Variants in GPM6A observed in about 807,000 individuals in gnomAD.
GPM6A encodes neuronal membrane glycoprotein M6-a.
A neutral mutation model predicts 32.1 loss-of-function variants in GPM6A; 7 were observed. The observed-to-expected ratio is 0.22, with a 90% confidence interval of 0.12 to 0.41. GPM6A has a LOEUF of 0.41. Among genes scored for constraint, GPM6A ranks in the 10% least tolerant of loss-of-function variants. GPM6A has a pLI of 1.00. For missense variants in GPM6A, 235 were observed against 347.2 expected (o/e 0.68, Z 2.57); for synonymous variants, 130 against 123.4 (o/e 1.05, Z -0.35).
intron 1 of GPM6A, among the ~76,000 whole-genome samples, chr4:175,797,864 C>T (rs1382485129): frequency 1.3e-5 from 2 of 152,086 alleles, no homozygotes; most frequent in East Asian, 3.9e-4. Context: ...ATATCTTTAT[C>T]TTGATATATA....
intron 1 of GPM6A, among the ~76,000 whole-genome samples, chr4:175,977,600 TTG>T (rs1740698464): frequency 6.6e-6 from 1 of 152,166 alleles, no homozygotes; most frequent in Non-Finnish European, 1.5e-5. Context: ...CAAAAATGCC[TTG>T]TGATTACAAA....
At chr4:175,827,759 G>T (rs561776954) in intron 1 of GPM6A, among the ~76,000 whole-genome samples, 1 of 152,264 alleles carries the variant, frequency 6.6e-6, no homozygotes, top group Non-Finnish European at 1.5e-5. Context: ...CCTCTTTAAG[G>T]TTCTGTTTCC....
intron 1 of GPM6A, among the ~76,000 whole-genome samples, chr4:175,827,990 C>T (rs898377286): frequency 6.6e-6 from 1 of 152,130 alleles, no homozygotes; most frequent in African/African-American, 2.4e-5. Flanking sequence ...GGTTTTAAAT[C>T]AACTGTATAT....
chr4:175,716,715 G>A (rs1235781209), intron 1 of GPM6A, among the ~76,000 whole-genome samples: 1 of 152,100 alleles, frequency 6.6e-6, no homozygotes, highest in East Asian at 1.9e-4. Context: ...TCCAAACAGG[G>A]CAAGCTGAAG....
intron 1 of GPM6A, among the ~76,000 whole-genome samples, chr4:175,945,530 C>T (rs1006568515): frequency 1.3e-5 from 2 of 151,596 alleles, no homozygotes; most frequent in Non-Finnish European, 1.5e-5. Context: ...ACCCATATTA[C>T]TTAGTTGTAA....
intron 1 of GPM6A, among the ~76,000 whole-genome samples, chr4:175,719,631 A>C (rs1259809268): frequency 2.6e-5 from 4 of 152,102 alleles, no homozygotes; most frequent in Admixed American, 2.6e-4. Context: ...ACAAATTGCC[A>C]CCATTTGTTA....
At chr4:175,792,809 T>C (rs1734063544) in intron 1 of GPM6A, among the ~76,000 whole-genome samples, 1 of 152,212 alleles carries the variant, frequency 6.6e-6, no homozygotes, top group East Asian at 1.9e-4. Context: ...ATTGTATTCA[T>C]AATGCTTTTA....
rs142943228 is a variant in GPM6A at position 175,797,633 on chromosome 4, C to T, written c.37+14558G>A. ...TTAAAGACTATATATCATTTAACTC[C>T]CAGCCTCAAGTGATCTGCCCACCAC... On this transcript the variant is annotated intron_variant, in intron 1 of 6. Coordinates refer to ENST00000393658, the MANE Select transcript of GPM6A (RefSeq NM_201591.3). Among the ~76,000 whole-genome samples the T allele has an allele frequency of 3.3e-5, 5 of 152,204 alleles. No homozygotes were observed. The East Asian group carries it at 7.7e-4, about 23-fold the overall frequency.
chr4:175,972,434 C>T (rs908970425), intron 1 of GPM6A, among the ~76,000 whole-genome samples: 2 of 152,146 alleles, frequency 1.3e-5, no homozygotes, highest in African/African-American at 2.4e-5. Context: ...TATTTTAAAA[C>T]TGATCTTAAA....
chr4:175,931,667 A>AAT (rs375147884), intron 1 of GPM6A, among the ~76,000 whole-genome samples: 34,495 of 131,026 alleles, frequency 0.26, 4,727 homozygotes, highest in South Asian at 0.46. Context: ...TGTGTTAAAA[A>AAT]ATATACACAC....
intron 1 of GPM6A, among the ~76,000 whole-genome samples, chr4:175,869,575 G>C (rs1050614478): frequency 6.6e-6 from 1 of 151,952 alleles, no homozygotes; most frequent in Non-Finnish European, 1.5e-5. Context: ...TGACCAACAT[G>C]GTTAAACCTT....
At chr4:175,979,849 G>T (rs563853162) in intron 1 of GPM6A, among the ~76,000 whole-genome samples, 2 of 152,242 alleles carry the variant, frequency 1.3e-5, no homozygotes, top group South Asian at 4.1e-4. Flanking sequence ...ACTAGCAACA[G>T]TAGTAATGCT....
intron 2 of GPM6A, among the ~76,000 whole-genome samples, chr4:175,695,429 G>A (rs550569548): frequency 6.6e-6 from 1 of 152,168 alleles, no homozygotes. Context: ...AGCCTGGGGG[G>A]GCCCAACCTT....
intron 3 of GPM6A, among the ~76,000 whole-genome samples, chr4:175,662,671 A>G (rs1352306207): frequency 6.6e-6 from 1 of 152,134 alleles, no homozygotes; most frequent in African/African-American, 2.4e-5. Context: ...TATTAGGTAA[A>G]TATTAGGTAA....
At chr4:175,782,334 T>C (rs894301901) in intron 1 of GPM6A, among the ~76,000 whole-genome samples, 1 of 152,086 alleles carries the variant, frequency 6.6e-6, no homozygotes, top group Non-Finnish European at 1.5e-5. Flanking sequence ...TCATCTACTT[T>C]CACCCTTCAA....
At position 175,966,050 on chromosome 4, in the gene GPM6A, A is replaced by G. The variant is rs528244888; in HGVS notation, c.-23+36259T>C. On this transcript the variant is annotated intron_variant, in intron 1 of 7. Transcript: ENST00000280187. ...AGATACAATCCACCAAAACTTACAC[A>G]TAGAAAAACTAATAGTCTAAGTAGA... 2.6e-5 allele frequency among the ~76,000 whole-genome samples: 4 copies of G among 152,348 alleles called. No individual in the cohort carries two copies. The South Asian group carries it at 6.2e-4, about 24-fold the overall frequency.
intron 1 of GPM6A, among the ~76,000 whole-genome samples, chr4:175,835,767 A>G (rs1262532353): frequency 6.8e-6 from 1 of 147,320 alleles, no homozygotes; most frequent in Non-Finnish European, 1.5e-5. Context: ...TATATTTACT[A>G]ACATTATATA....
At chr4:175,900,171 G>C (rs1000553983) in intron 1 of GPM6A, among the ~76,000 whole-genome samples, 5 of 151,844 alleles carry the variant, frequency 3.3e-5, no homozygotes, top group Middle Eastern at 3.4e-3. Flanking sequence ...TACTTGGGAA[G>C]CTGAGGCAGA....
At chr4:175,855,910 C>A (rs1426362803) in intron 1 of GPM6A, among the ~76,000 whole-genome samples, 1 of 152,188 alleles carries the variant, frequency 6.6e-6, no homozygotes. Flanking sequence ...AATGAAAACA[C>A]CTAACTAGCA....
Sources: allele counts gnomAD v4.1 joint callset (sites outside exome capture counted in the v4.1 genomes callset), GRCh38; gene constraint gnomAD v4.1.1; transcripts MANE v1.5; gene names NCBI Gene and HGNC (gene_info 2026-07-23, HGNC 2026-07-21).